The following ROR1 variants were observed in gnomAD, a reference collection of about 807,000 sequenced individuals.
The protein encoded by ROR1 is ROR family WNT receptor 1.
A neutral mutation model predicts 78.8 loss-of-function variants in ROR1; 19 were observed. The observed-to-expected ratio is 0.24, with a 90% confidence interval of 0.17 to 0.35. The LOEUF is 0.35. Ranked by LOEUF, ROR1 falls within the 10% of genes least tolerant of loss-of-function variation. ROR1 has a pLI of 1.00. For synonymous variants in ROR1, 386 were observed against 433.6 expected, an observed-to-expected ratio of 0.89 and a Z score of 1.36; for missense variants, 917 against 1,177.8, an observed-to-expected ratio of 0.78 and a Z score of 3.24.
intron 1 of ROR1, among the ~76,000 whole-genome samples, chr1:63,885,895 A>G (rs750098725): frequency 1.4e-4 from 21 of 152,158 alleles, no homozygotes; most frequent in Non-Finnish European, 2.6e-4. Context: ...ATCCAAGCAC[A>G]TTACGTTTAT....
chr1:63,918,128 C>A (rs1343116379), intron 1 of ROR1, among the ~76,000 whole-genome samples: 2 of 152,206 alleles, frequency 1.3e-5, no homozygotes, highest in Non-Finnish European at 2.9e-5. Flanking sequence ...CTGCCGTAAA[C>A]CAAGCTAGAC....
intron 1 of ROR1, among the ~76,000 whole-genome samples, chr1:63,856,454 T>C (rs1416110912): frequency 6.6e-6 from 1 of 152,314 alleles, no homozygotes; most frequent in South Asian, 2.1e-4. Flanking sequence ...TTGCCACACA[T>C]GTATGCACTG....
intron 4 of ROR1, among the ~76,000 whole-genome samples, chr1:64,063,786 A>T (rs1389262201): frequency 1.3e-5 from 2 of 152,224 alleles, no homozygotes; most frequent in East Asian, 3.9e-4. Flanking sequence ...AATTACCTGT[A>T]CCTGGGCTAC....
intron 4 of ROR1, among the ~76,000 whole-genome samples, chr1:64,111,754 T>G (rs1362308623): frequency 6.6e-6 from 1 of 152,224 alleles, no homozygotes; most frequent in East Asian, 1.9e-4. Flanking sequence ...TTAAATGTTT[T>G]GAACCCAACT....
At chr1:63,880,651 A>T (rs1418913743) in intron 1 of ROR1, among the ~76,000 whole-genome samples, 1 of 152,142 alleles carries the variant, frequency 6.6e-6, no homozygotes, top group Non-Finnish European at 1.5e-5. Flanking sequence ...GCTCTGTTTG[A>T]GGTGTTGGCT....
chr1:63,813,486 A>T (rs1355568686), intron 1 of ROR1, among the ~76,000 whole-genome samples: 1 of 152,132 alleles, frequency 6.6e-6, no homozygotes, highest in Non-Finnish European at 1.5e-5. Flanking sequence ...GTGTGCCCTT[A>T]CCTATTATAG....
chr1:64,004,861 G>A (rs1475139437), intron 1 of ROR1, among the ~76,000 whole-genome samples: 1 of 152,124 alleles, frequency 6.6e-6, no homozygotes, highest in Admixed American at 6.5e-5. Context: ...AATCCTCCGA[G>A]AAACTGCAAA....
At chr1:63,827,570 C>A (rs2100294152) in intron 1 of ROR1, among the ~76,000 whole-genome samples, 1 of 152,274 alleles carries the variant, frequency 6.6e-6, no homozygotes, top group East Asian at 1.9e-4. Flanking sequence ...TGCTTGGCCT[C>A]AACACTTGCC....
At chr1:63,990,663 T>G (rs1489441998) in intron 1 of ROR1, among the ~76,000 whole-genome samples, 1 of 152,218 alleles carries the variant, frequency 6.6e-6, no homozygotes, top group Admixed American at 6.5e-5. Flanking sequence ...AATATTTGAA[T>G]GGTGCTCTGT....
chr1:64,129,015 T>G (rs549835738), intron 4 of ROR1, among the ~76,000 whole-genome samples: 2 of 152,338 alleles, frequency 1.3e-5, no homozygotes, highest in African/African-American at 4.8e-5. Context: ...TAAAAATTTG[T>G]AAGATTCTAC....
In ROR1 at chr1:63,871,405, T is replaced by C. The variant is rs371806920; in HGVS notation, c.91+96897T>C. On this transcript the variant is annotated intron_variant, in intron 1 of 8. Coordinates refer to ENST00000371079, the MANE Select transcript of ROR1 (RefSeq NM_005012.4). ...GGTTTCCAGTTACAATGGGAGTAAATAGAGGGATGTTGTGAGCAAAGAACT... is the reference window on the plus strand; with the variant it reads ...GGTTTCCAGTTACAATGGGAGTAAACAGAGGGATGTTGTGAGCAAAGAACT... 2.4e-4 allele frequency among the ~76,000 whole-genome samples: 37 copies of C among 152,142 alleles called. No homozygotes were observed. The East Asian group carries it at 2.5e-3, about 10-fold the overall frequency.
At chr1:64,124,026 C>T (rs1171219427) in intron 4 of ROR1, among the ~76,000 whole-genome samples, 2 of 152,066 alleles carry the variant, frequency 1.3e-5, no homozygotes, top group East Asian at 3.9e-4. Context: ...AAGAATACTT[C>T]ATAATGTGGA....
At chr1:63,830,491 A>G in intron 1 of ROR1, among the ~76,000 whole-genome samples, 1 of 152,168 alleles carries the variant, frequency 6.6e-6, no homozygotes, top group East Asian at 1.9e-4. Context: ...GAGAGTGCTA[A>G]GAGAGAAGTG....
At chr1:64,067,444 C>CAAAAAAAAAA (rs58105318) in intron 4 of ROR1, among the ~76,000 whole-genome samples, 1 of 57,496 alleles carries the variant, frequency 1.7e-5, no homozygotes, top group Non-Finnish European at 3.3e-5. Context: ...GCCTCCGTCT[C>CAAAAAAAAAA]AAAAAAAAAA....
chr1:63,791,986 G>A (rs1258353575), intron 1 of ROR1, among the ~76,000 whole-genome samples: 1 of 152,170 alleles, frequency 6.6e-6, no homozygotes, highest in South Asian at 2.1e-4. Context: ...CAAAGACCCT[G>A]GTCATGGAGG....
At chr1:64,031,528 C>T (rs746037993) in intron 2 of ROR1, among the ~76,000 whole-genome samples, 4 of 152,188 alleles carry the variant, frequency 2.6e-5, no homozygotes, top group Admixed American at 6.5e-5. Flanking sequence ...TGTTCTTTTT[C>T]CCAAAGCCAG....
At chr1:63,928,243 G>T (rs147290697) in intron 1 of ROR1, among the ~76,000 whole-genome samples, 42 of 152,250 alleles carry the variant, frequency 2.8e-4, no homozygotes, top group African/African-American at 1.0e-3. Context: ...ACTGCAATGA[G>T]GGTGGGCCCT....
rs747240620 is a variant in ROR1, at chr1:64,178,734, G to A, written c.2693G>A (p.Gly898Asp). 2 of 1,613,856 alleles carry A rather than the reference G, an allele frequency of 1.2e-6. No homozygotes were observed. Among genetic ancestry groups the A allele is most frequent in the Non-Finnish European group, 1.7e-6 (2 of 1,179,992 alleles). The change falls in exon 9 of 9, where the codon GGT becomes GAT. Residue 898 changes from glycine to aspartate, a missense_variant. Transcript: ENST00000371079. This position sits in a 1 kb window ranked among gnomAD's most constrained non-coding sequence, Gnocchi z 4.3. Reference sequence around the variant, plus strand: ...ATTCCAAATCATCCTGGTGGAATGGGTATCACCGTTTTTGGCAACAAATCT... The same window carrying A: ...ATTCCAAATCATCCTGGTGGAATGGATATCACCGTTTTTGGCAACAAATCT... ...MSIPNHPGGM[G>D]ITVFGNKSQK...
chr1:63,842,173 C>A (rs1047544867), intron 1 of ROR1, among the ~76,000 whole-genome samples: 1 of 152,146 alleles, frequency 6.6e-6, no homozygotes, highest in Non-Finnish European at 1.5e-5. Context: ...TGGCCATTCA[C>A]CAATCCTACT....
Sources: allele counts gnomAD v4.1 joint callset (sites outside exome capture counted in the v4.1 genomes callset), GRCh38; gene constraint gnomAD v4.1.1; non-coding constraint Gnocchi (gnomAD v3.1); transcripts MANE v1.5; gene names NCBI Gene and HGNC (gene_info 2026-07-23, HGNC 2026-07-21).